The following NEO1 variants were observed in gnomAD, a reference collection of about 807,000 sequenced individuals.
NEO1 encodes the protein neogenin 1.
Under a neutral mutation model 159.7 loss-of-function variants are expected in NEO1, and 63 were observed. The ratio of observed to expected loss-of-function variants is 0.39; its 90% CI spans 0.32 to 0.49. The LOEUF (loss-of-function observed/expected upper bound fraction) is 0.49, where lower values mean the gene tolerates loss of function less well. Ranked by LOEUF, NEO1 falls within the 20% of genes least tolerant of loss-of-function variation. The pLI, the probability that NEO1 is intolerant of heterozygous loss-of-function variation, is 0.85. For missense variants in NEO1, 1,615 were observed against 1,831.0 expected (o/e 0.88, Z 2.15); for synonymous variants, 633 against 662.0 (o/e 0.96, Z 0.67).
intron 11 of NEO1, among the ~76,000 whole-genome samples, chr15:73,250,481 C>CA (rs2040016953): frequency 6.6e-6 from 1 of 152,126 alleles, no homozygotes. Flanking sequence ...AGAAAAGAGT[C>CA]AAACTTAACA....
intron 1 of NEO1, among the ~76,000 whole-genome samples, chr15:73,053,791 A>T (rs564811327): frequency 2.6e-5 from 4 of 152,368 alleles, no homozygotes; most frequent in Admixed American, 2.6e-4. Flanking sequence ...GTGTACCATA[A>T]AACTTGACAA....
intron 1 of NEO1, among the ~76,000 whole-genome samples, chr15:73,084,381 T>C (rs973079766): frequency 1.6e-4 from 24 of 152,214 alleles, no homozygotes; most frequent in African/African-American, 5.1e-4. Context: ...AGATTACACA[T>C]TTAAGTGACA....
Position 73,271,977 on chromosome 15 carries a change from TACAATTTACAGTATTCTA to T in NEO1, c.2858-473_2858-456del, listed in dbSNP as rs370439428. Among the ~76,000 whole-genome samples, 1,313 of 152,052 alleles carry T rather than the reference TACAATTTACAGTATTCTA, an allele frequency of 8.6e-3. 22 individuals are homozygous for T. The highest frequency in any genetic ancestry group is 0.03 in the African/African-American group (1,241 of 41,480). On this transcript the variant is annotated intron_variant, in intron 18 of 28. Coordinates refer to ENST00000261908, the MANE Select transcript of NEO1 (RefSeq NM_002499.4). ...CTATAAATGAGAGAGAAAACTGTTTTACAATTTACAGTATTCTAACAAAATAATCCAGTGTGACAGGGA... is the reference window on the plus strand; with the variant it reads ...CTATAAATGAGAGAGAAAACTGTTTTACAAAATAATCCAGTGTGACAGGGA...
intron 1 of NEO1, among the ~76,000 whole-genome samples, chr15:73,100,531 C>T (rs905115019): frequency 7.9e-5 from 12 of 151,958 alleles, no homozygotes; most frequent in Admixed American, 3.3e-4. Flanking sequence ...GATGGGGTTT[C>T]GGCATGTTGG....
In NEO1 at chr15:73,220,999, G is replaced by A. The variant is rs532207050; in HGVS notation, c.1292-15348G>A. Among the ~76,000 whole-genome samples the A allele has an allele frequency of 7.7e-4, 118 of 152,274 alleles. 1 individual carries two copies. The highest frequency in any genetic ancestry group is 2.7e-3 in the African/African-American group (113 of 41,560). On this transcript the variant is annotated intron_variant, in intron 7 of 28. Coordinates refer to ENST00000261908, the MANE Select transcript of NEO1 (RefSeq NM_002499.4). ...TGGGTTCCTTTGGAGGAGGAGAGGCGCTCTGCTTTTTAGAGTTTCCAGTTT... is the reference window on the plus strand; with the variant it reads ...TGGGTTCCTTTGGAGGAGGAGAGGCACTCTGCTTTTTAGAGTTTCCAGTTT...
chr15:73,119,721 C>G (rs2071523011), intron 2 of NEO1, among the ~76,000 whole-genome samples: 1 of 152,228 alleles, frequency 6.6e-6, no homozygotes, highest in Non-Finnish European at 1.5e-5. Context: ...CATCTGCTTT[C>G]CCTACTCAGA....
Position 73,269,507 on chromosome 15 carries a change from C to A in NEO1, c.2495-503C>A, listed in dbSNP as rs527265147. On this transcript the variant is annotated intron_variant, in intron 16 of 28. Transcript: ENST00000261908. ...TCCCGAGTAGCTGGGACCCCAGGCA[C>A]CTGCCACCATGCCCAGCTAATTTTT... is the stretch of plus-strand genomic sequence containing the variant. Among the ~76,000 whole-genome samples, 473 of 152,172 alleles carry A rather than the reference C, an allele frequency of 3.1e-3. 2 individuals are homozygous for A. Among genetic ancestry groups the A allele is most frequent in the African/African-American group, 0.011 (450 of 41,504 alleles).
intron 22 of NEO1, among the ~76,000 whole-genome samples, chr15:73,278,932 A>G (rs1198368927): frequency 2.6e-5 from 4 of 152,190 alleles, no homozygotes; most frequent in Non-Finnish European, 5.9e-5. Context: ...AGACGTGGGA[A>G]CCTAGAGTGG....
chr15:73,103,538 A>G (rs67178516), intron 1 of NEO1, among the ~76,000 whole-genome samples: 22,508 of 152,080 alleles, frequency 0.15, 2,570 homozygotes, highest in African/African-American at 0.32. Context: ...TCATGTACGT[A>G]TGTACTTTGT....
intron 5 of NEO1, among the ~76,000 whole-genome samples, chr15:73,155,993 G>A (rs542077980): frequency 1.3e-5 from 2 of 152,266 alleles, no homozygotes; most frequent in Admixed American, 1.3e-4. Context: ...GAATTATTGT[G>A]TTCCTTTGAA....
chr15:73,162,941 C>A, intron 5 of NEO1: 1 of 177,296 alleles, frequency 5.6e-6, no homozygotes, highest in Non-Finnish European at 1.2e-5. Flanking sequence ...GGGGTGGTGG[C>A]ACACACTTAG....
At chr15:73,092,368 A>G (rs539159917) in intron 1 of NEO1, among the ~76,000 whole-genome samples, 14 of 152,228 alleles carry the variant, frequency 9.2e-5, no homozygotes, top group South Asian at 2.1e-4. Flanking sequence ...TACCTGTTAT[A>G]TAAGAGCAAA....
chr15:73,133,754 G>A (rs1286786335), intron 4 of NEO1, among the ~76,000 whole-genome samples: 1 of 151,806 alleles, frequency 6.6e-6, no homozygotes, highest in African/African-American at 2.4e-5. Flanking sequence ...CTAAAGGCTC[G>A]ATGGTCTTTT....
chr15:73,089,934 A>G (rs1033704348), intron 1 of NEO1, among the ~76,000 whole-genome samples: 1 of 152,174 alleles, frequency 6.6e-6, no homozygotes, highest in Non-Finnish European at 1.5e-5. Context: ...TAGGATGACC[A>G]TATGTCTAAA....
chr15:73,272,094 T>C (rs1264598726), intron 18 of NEO1, among the ~76,000 whole-genome samples: 1 of 152,204 alleles, frequency 6.6e-6, no homozygotes, highest in African/African-American at 2.4e-5. Flanking sequence ...GAGATAGTGA[T>C]AACTACCTTT....
chr15:73,301,297 T>G, intron 27 of NEO1, 24 bp from the exon 28 acceptor site: 1 of 1,613,950 alleles, frequency 6.2e-7, no homozygotes, highest in Non-Finnish European at 8.5e-7. Flanking sequence ...TGGCCACATA[T>G]CTGATGGTGC....
At chr15:73,108,621 T>C (rs977837211) in intron 1 of NEO1, among the ~76,000 whole-genome samples, 2 of 152,330 alleles carry the variant, frequency 1.3e-5, no homozygotes, top group East Asian at 3.9e-4. Context: ...TCTAATAGTC[T>C]AGCCTGCTCA....
At chr15:73,127,002 T>G (rs983667525) in intron 4 of NEO1, among the ~76,000 whole-genome samples, 13 of 152,014 alleles carry the variant, frequency 8.6e-5, no homozygotes, top group African/African-American at 2.9e-4. Flanking sequence ...GACGCTGAGG[T>G]GGGCAGATCA....
chr15:73,277,439 G>T (rs767574396), intron 21 of NEO1, among the ~76,000 whole-genome samples: 33 of 152,244 alleles, frequency 2.2e-4, no homozygotes, highest in Non-Finnish European at 1.6e-4. Flanking sequence ...GGTGGTCCTA[G>T]GCCTGAGGTC....
Sources: gnomAD v4.1 joint callset for allele counts (sites outside exome capture counted in the v4.1 genomes callset) on GRCh38, gnomAD v4.1.1 for gene constraint, MANE v1.5 for transcripts, NCBI Gene and HGNC (gene_info 2026-07-23, HGNC 2026-07-21) for gene names.